ABHD6: variants seen among roughly 807,000 people sequenced by gnomAD.
ABHD6 encodes monoacylglycerol lipase ABHD6.
In ABHD6, 33 loss-of-function variants were observed where a neutral mutation model predicts 38.8. The ratio of observed to expected loss-of-function variants is 0.85; its 90% CI spans 0.64 to 1.14. The LOEUF is 1.14. ABHD6 is among the 50% of genes most tolerant of loss of function. ABHD6 has a pLI of 0.00. For synonymous variants in ABHD6, 147 were observed against 161.6 expected (o/e 0.91, Z 0.69); for missense variants, 380 against 422.6 (o/e 0.90, Z 0.88).
chr3:58,286,831 TG>T (rs1303230650), intron 9 of ABHD6, among the ~76,000 whole-genome samples: 1 of 72,076 alleles, frequency 1.4e-5, no homozygotes, highest in African/African-American at 7.8e-5. Flanking sequence ...TATGTGTGTG[TG>T]TGTGTGTGTG....
chr3:58,244,055 C>T (rs904773669), intron 1 of ABHD6, among the ~76,000 whole-genome samples: 8 of 152,190 alleles, frequency 5.3e-5, no homozygotes, highest in African/African-American at 1.9e-4. Flanking sequence ...GTTTTCAACC[C>T]TGGTGGTCAG....
chr3:58,263,177 C>T lies in ABHD6; in HGVS notation c.120-4012C>T, dbSNP rs2097438249. Among the ~76,000 whole-genome samples, 1 of 152,096 alleles carries T rather than the reference C, an allele frequency of 6.6e-6. No homozygotes were observed. Among genetic ancestry groups the T allele is most frequent in the African/African-American group, 2.4e-5 (1 of 41,402 alleles). On this transcript the variant is annotated intron_variant, in intron 3 of 9. Transcript: ENST00000478253. This position sits in a 1 kb window ranked among gnomAD's most constrained non-coding sequence, Gnocchi z 4.9. Reference sequence around the variant, plus strand: ...GAGCCGAGATCATGCCACTGCATTCCAGCCTGGGCAACAGAGCAAGACTCC... The same window carrying T: ...GAGCCGAGATCATGCCACTGCATTCTAGCCTGGGCAACAGAGCAAGACTCC...
At chr3:58,262,907 TA>T (rs2097437989) in intron 3 of ABHD6, among the ~76,000 whole-genome samples, 2 of 152,096 alleles carry the variant, frequency 1.3e-5, no homozygotes, top group South Asian at 4.1e-4. Context: ...CTGTCTCTAC[TA>T]AAAAAATACA....
intron 9 of ABHD6, among the ~76,000 whole-genome samples, chr3:58,286,848 G>GTATATATA (rs60071781): frequency 2.9e-4 from 20 of 70,032 alleles, no homozygotes; most frequent in South Asian, 6.3e-4. Context: ...GTGTGTGTGT[G>GTATATATA]TGTGTATATA....
intron 9 of ABHD6, among the ~76,000 whole-genome samples, chr3:58,291,337 A>C (rs1048578660): frequency 2.0e-5 from 3 of 152,056 alleles, no homozygotes; most frequent in Non-Finnish European, 4.4e-5. Flanking sequence ...AGTACAGTCC[A>C]GCTTCGGCTC....
intron 1 of ABHD6, among the ~76,000 whole-genome samples, chr3:58,249,142 T>C (rs1439428725): frequency 8.5e-5 from 13 of 152,244 alleles, no homozygotes; most frequent in Admixed American, 8.5e-4. Flanking sequence ...TTATTTATGG[T>C]ATCTCTTTCC....
intron 7 of ABHD6, among the ~76,000 whole-genome samples, chr3:58,282,662 G>A (rs1472783240): frequency 6.6e-6 from 1 of 152,188 alleles, no homozygotes; most frequent in African/African-American, 2.4e-5. Context: ...CCTGAGCCCA[G>A]GAGGCAGAGG....
intron 1 of ABHD6, among the ~76,000 whole-genome samples, chr3:58,242,303 G>A (rs1185225927): frequency 6.6e-6 from 1 of 152,208 alleles, no homozygotes; most frequent in Non-Finnish European, 1.5e-5. Context: ...CCAACCACCA[G>A]TGAATTAGCA....
At position 58,279,752 on chromosome 3, in the gene ABHD6, G is replaced by A. The variant is rs370459459; in HGVS notation, c.681+4937G>A. On this transcript the variant is annotated intron_variant, in intron 7 of 9. Transcript: ENST00000478253. ...CCGGTTGTTCCTTTCCATGTTTAGT[G>A]CTTCCTTCAGGAGCTCTTGTAAGAC... 5.9e-5 allele frequency among the ~76,000 whole-genome samples: 9 copies of A among 152,242 alleles called. No individual in the cohort carries two copies. The South Asian group carries it at 1.9e-3, about 32-fold the overall frequency.
chr3:58,254,854 A>ATATATATGTG (rs2097432226), intron 2 of ABHD6, among the ~76,000 whole-genome samples: 1 of 17,464 alleles, frequency 5.7e-5, no homozygotes, highest in African/African-American at 4.7e-4. Context: ...ATGTGTATAC[A>ATATATATGTG]CACACACACA....
rs574449385 is a variant in ABHD6, at chr3:58,272,833, A to C, written c.523+1769A>C. On this transcript the variant is annotated intron_variant, in intron 6 of 9. Transcript: ENST00000478253. ...AAGAGTTTTAAAATAAACTTTCTAAAAATTTTGAAATAATTTTTAATTTAC... is the reference window on the plus strand; with the variant it reads ...AAGAGTTTTAAAATAAACTTTCTAACAATTTTGAAATAATTTTTAATTTAC... Among the ~76,000 whole-genome samples, 9 of 152,284 alleles carry C rather than the reference A, an allele frequency of 5.9e-5. No individual in the cohort carries two copies. In the East Asian group the frequency reaches 1.3e-3, roughly 23 times the overall value.
Position 58,270,957 on chromosome 3 carries a change from A to G in ABHD6, c.416A>G (p.Lys139Arg). 6.2e-7 allele frequency: 1 copy of G among 1,610,562 alleles called. No individual in the cohort carries two copies. Among genetic ancestry groups the G allele is most frequent in the Non-Finnish European group, 8.5e-7 (1 of 1,178,990 alleles). ...TTTGTAGAATGCCTGAAGCTGAACA[A>G]AAAACCTTTCCACCTGGTAGGCACC... ...HQFVECLKLN[K>R]KPFHLVGTSM... The change falls in exon 6 of 10, where the codon AAA becomes AGA. Residue 139 changes from lysine (K) to arginine (R), a missense_variant. Transcript: ENST00000478253.
chr3:58,283,919 G>C (rs1296657258), intron 7 of ABHD6, among the ~76,000 whole-genome samples: 1 of 152,230 alleles, frequency 6.6e-6, no homozygotes, highest in African/African-American at 2.4e-5. Context: ...CTCATGTCCA[G>C]GCTGAATGAG....
chr3:58,253,944 CCTT>C (rs1431581493), intron 2 of ABHD6, among the ~76,000 whole-genome samples: 1 of 152,160 alleles, frequency 6.6e-6, no homozygotes, highest in Non-Finnish European at 1.5e-5. Flanking sequence ...GCATCTGTCT[CCTT>C]CTCCAGGCTG....
chr3:58,254,281 G>T (rs988327761), intron 2 of ABHD6, among the ~76,000 whole-genome samples: 1 of 152,158 alleles, frequency 6.6e-6, no homozygotes, highest in Non-Finnish European at 1.5e-5. Context: ...GCTATATCAA[G>T]GGTTGGCAAA....
chr3:58,290,500 C>T (rs1162120345), intron 9 of ABHD6, among the ~76,000 whole-genome samples: 3 of 130,634 alleles, frequency 2.3e-5, no homozygotes, highest in Non-Finnish European at 3.2e-5. Flanking sequence ...CCGGACGGGG[C>T]GGCTGGCCTG....
intron 6 of ABHD6, among the ~76,000 whole-genome samples, chr3:58,272,484 C>T (rs955694893): frequency 1.3e-5 from 2 of 152,276 alleles, no homozygotes; most frequent in East Asian, 3.9e-4. Flanking sequence ...CCTTCTGCCA[C>T]TCTGAAAGCT....
rs2097442082 is a variant in ABHD6 at position 58,267,655 on chromosome 3, C to T, written c.276+310C>T. Among the ~76,000 whole-genome samples the T allele has an allele frequency of 6.6e-6, 1 of 151,758 alleles. No individual in the cohort carries two copies. Among genetic ancestry groups the T allele is most frequent in the Non-Finnish European group, 1.5e-5 (1 of 67,962 alleles). The stretch of plus-strand genomic sequence containing the variant: ...ACTTAGCCTGGGCAACAGAATAAGA[C>T]TCTGTCTCAAAAAAAATAAAAATAA... On this transcript the variant is annotated intron_variant, in intron 4 of 9. Coordinates refer to ENST00000478253, the MANE Select transcript of ABHD6 (RefSeq NM_001320126.2). This position sits in a 1 kb window ranked among gnomAD's most constrained non-coding sequence, Gnocchi z 4.3.
At chr3:58,246,683 C>A (rs918435370) in intron 1 of ABHD6, among the ~76,000 whole-genome samples, 4 of 151,962 alleles carry the variant, frequency 2.6e-5, no homozygotes, top group Admixed American at 2.6e-4. Flanking sequence ...ACCATCTAAT[C>A]AGTACCTCTC....
Sources: allele counts gnomAD v4.1 joint callset (sites outside exome capture counted in the v4.1 genomes callset), GRCh38; gene constraint gnomAD v4.1.1; non-coding constraint Gnocchi (gnomAD v3.1); transcripts MANE v1.5; gene names NCBI Gene and HGNC (gene_info 2026-07-23, HGNC 2026-07-21).